ESR1: variants seen among roughly 807,000 people sequenced by gnomAD.
ESR1 encodes the protein estrogen receptor 1.
A neutral mutation model predicts 52.7 loss-of-function variants in ESR1; 12 were observed. The observed-to-expected ratio is 0.23, with a 90% confidence interval of 0.15 to 0.37. ESR1 has a LOEUF of 0.37. Among genes scored for constraint, ESR1 ranks in the 10% least tolerant of loss-of-function variants. ESR1 has a pLI of 1.00. For synonymous variants in ESR1, 305 were observed against 316.8 expected (o/e 0.96, Z 0.39); for missense variants, 584 against 779.7 (o/e 0.75, Z 2.99).
downstream of ESR1, among the ~76,000 whole-genome samples, chr6:152,106,621 C>G (rs2051070163): frequency 6.6e-6 from 1 of 152,064 alleles, no homozygotes; most frequent in South Asian, 2.1e-4. Flanking sequence ...CAGGGTGTTG[C>G]TCTCTCACCC....
intron 4 of ESR1, among the ~76,000 whole-genome samples, chr6:151,952,047 C>T (rs532011634): frequency 4.6e-5 from 7 of 152,296 alleles, no homozygotes; most frequent in Admixed American, 3.3e-4. Flanking sequence ...CCACCCTAAT[C>T]GAGTATGACT....
At chr6:151,997,032 G>A (rs2041548636) in intron 4 of ESR1, among the ~76,000 whole-genome samples, 1 of 151,826 alleles carries the variant, frequency 6.6e-6, no homozygotes. Context: ...CCAAAAAGCA[G>A]GTACTGTCCC....
rs533540516 is a variant in ESR1, at chr6:151,695,589, C to T, written c.-202+4925C>T. Among the ~76,000 whole-genome samples the T allele has an allele frequency of 1.0e-3, 159 of 152,274 alleles. 1 individual carries two copies. Among genetic ancestry groups the T allele is most frequent in the Non-Finnish European group, 1.8e-3 (123 of 68,012 alleles). ...GAAGCCATCAAGGTCCTTTTGCAAA[C>T]GGATGATCTGCATTTTTGAGATCCT... On this transcript the variant is annotated intron_variant, in intron 1 of 2. Coordinates refer to the ESR1 transcript ENST00000404742.
chr6:152,002,446 G>T (rs1172907152), intron 4 of ESR1, among the ~76,000 whole-genome samples: 1 of 151,964 alleles, frequency 6.6e-6, no homozygotes, highest in African/African-American at 2.4e-5. Flanking sequence ...AATAGTATTT[G>T]AAATGCTCGT....
At chr6:151,917,626 A>G (rs1057175016) in intron 3 of ESR1, among the ~76,000 whole-genome samples, 4 of 152,146 alleles carry the variant, frequency 2.6e-5, no homozygotes, top group Non-Finnish European at 5.9e-5. Context: ...TGTTGCTCGG[A>G]TAAGTTAGCA....
At chr6:151,768,860 C>A (rs1479846263) in intron 2 of ESR1, among the ~76,000 whole-genome samples, 1 of 152,126 alleles carries the variant, frequency 6.6e-6, no homozygotes, top group East Asian at 1.9e-4. Context: ...GAAAATGGTC[C>A]ATCCTTTCCT....
intron 1 of ESR1, among the ~76,000 whole-genome samples, chr6:151,677,794 G>A (rs963749849): frequency 2.6e-5 from 4 of 152,138 alleles, no homozygotes; most frequent in African/African-American, 9.7e-5. Context: ...GTCGCCCTGG[G>A]AAGCAGAGTT....
At chr6:152,062,918 T>C (rs939298659) in intron 6 of ESR1, among the ~76,000 whole-genome samples, 1 of 152,220 alleles carries the variant, frequency 6.6e-6, no homozygotes, top group Non-Finnish European at 1.5e-5. Flanking sequence ...ATTATTGTTT[T>C]GTTTCTGTTC....
intron 1 of ESR1, among the ~76,000 whole-genome samples, chr6:151,680,685 G>T (rs926936871): frequency 5.9e-5 from 9 of 152,072 alleles, no homozygotes; most frequent in African/African-American, 2.2e-4. Flanking sequence ...ATTTTGGGGG[G>T]ACACAAATCT....
intron 2 of ESR1, among the ~76,000 whole-genome samples, chr6:151,870,985 G>A (rs1453412079): frequency 6.6e-6 from 1 of 151,820 alleles, no homozygotes; most frequent in Non-Finnish European, 1.5e-5. Flanking sequence ...CTGAGTAACT[G>A]GGATGACAGG....
chr6:151,942,902 T>C (rs1279439823), intron 3 of ESR1, among the ~76,000 whole-genome samples: 2 of 152,196 alleles, frequency 1.3e-5, no homozygotes, highest in Admixed American at 6.5e-5. Context: ...TTTGAAAATA[T>C]AGAAGCTTTT....
chr6:151,845,908 T>A (rs1486192991), intron 2 of ESR1, among the ~76,000 whole-genome samples: 2 of 152,136 alleles, frequency 1.3e-5, no homozygotes, highest in African/African-American at 4.8e-5. Context: ...ACCCTGGAAA[T>A]GCAATGATAG....
chr6:151,957,907 C>T (rs1167707701), intron 4 of ESR1, among the ~76,000 whole-genome samples: 1 of 152,192 alleles, frequency 6.6e-6, no homozygotes, highest in Non-Finnish European at 1.5e-5. Flanking sequence ...CAAAGGGACC[C>T]AAGCTCATCT....
intron 2 of ESR1, among the ~76,000 whole-genome samples, chr6:151,712,477 C>T (rs1277000642): frequency 6.6e-6 from 1 of 152,074 alleles, no homozygotes; most frequent in Admixed American, 6.6e-5. Context: ...CCAAGAGCAT[C>T]GAATGTTTTT....
intron 2 of ESR1, among the ~76,000 whole-genome samples, chr6:151,728,083 A>G (rs545107391): frequency 6.6e-5 from 10 of 151,984 alleles, no homozygotes; most frequent in Non-Finnish European, 1.3e-4. Flanking sequence ...CCAAATCAGG[A>G]CACTCACAGC....
At chr6:151,810,399 T>C (rs1778622819) in intron 1 of ESR1, among the ~76,000 whole-genome samples, 1 of 152,234 alleles carries the variant, frequency 6.6e-6, no homozygotes, top group African/African-American at 2.4e-5. Context: ...CTGCCTGTTA[T>C]TATCCAGCAA....
intron 2 of ESR1, among the ~76,000 whole-genome samples, chr6:151,773,042 C>A (rs1289459482): frequency 2.0e-5 from 3 of 152,078 alleles, no homozygotes; most frequent in African/African-American, 7.2e-5. Flanking sequence ...TAGAATGTGG[C>A]CTTATTTGGA....
At chr6:151,975,606 C>T (rs1182462495) in intron 4 of ESR1, among the ~76,000 whole-genome samples, 4 of 152,184 alleles carry the variant, frequency 2.6e-5, no homozygotes, top group African/African-American at 4.8e-5. Flanking sequence ...ATTCCGTCCT[C>T]TTGGGGAAAC....
At chr6:151,696,486 A>T (rs1373719439) in intron 1 of ESR1, among the ~76,000 whole-genome samples, 2 of 148,052 alleles carry the variant, frequency 1.4e-5, no homozygotes, top group African/African-American at 2.5e-5. Flanking sequence ...AAATAAATAA[A>T]TAAATAAATA....
Sources: allele counts gnomAD v4.1 joint callset (sites outside exome capture counted in the v4.1 genomes callset), GRCh38; gene constraint gnomAD v4.1.1; transcripts MANE v1.5; gene names NCBI Gene and HGNC (gene_info 2026-07-23, HGNC 2026-07-21).